Variants in XRN2 observed in about 807,000 individuals in gnomAD.
The protein encoded by XRN2 is 5'-3' exoribonuclease 2.
XRN2 carries 44 observed loss-of-function variants against 138.5 expected under a neutral mutation model. The ratio of observed to expected loss-of-function variants is 0.32; its 90% CI spans 0.25 to 0.41. The LOEUF (loss-of-function observed/expected upper bound fraction) is 0.41. Ranked by LOEUF, XRN2 falls within the 10% of genes least tolerant of loss-of-function variation. The pLI is 1.00. For missense variants in XRN2, 937 were observed against 1,169.3 expected (o/e 0.80, Z 2.90); for synonymous variants, 354 against 369.4 (o/e 0.96, Z 0.48).
At chr20:21,347,263 C>T (rs188054039) in intron 17 of XRN2, among the ~76,000 whole-genome samples, 369 of 152,286 alleles carry the variant, frequency 2.4e-3, no homozygotes, top group Non-Finnish European at 3.9e-3. Flanking sequence ...TTGAATGCTA[C>T]GCTTTTCATA....
intron 26 of XRN2, among the ~76,000 whole-genome samples, chr20:21,366,018 AAT>A (rs1260964306): frequency 7.0e-5 from 8 of 113,886 alleles, no homozygotes; most frequent in Admixed American, 2.4e-4. Context: ...TTATATATAT[AAT>A]ATATATAAAT....
chr20:21,362,089 T>C (rs183295651), intron 24 of XRN2, among the ~76,000 whole-genome samples: 1 of 152,282 alleles, frequency 6.6e-6, no homozygotes, highest in Admixed American at 6.5e-5. Context: ...TTGTATTAAG[T>C]GTGTAGATCC....
Position 21,368,727 on chromosome 20 carries a change from G to A in XRN2, c.2584+137G>A, listed in dbSNP as rs1435546829. Reference sequence around the variant, plus strand: ...CTTTAAAAACATGTAAGTTAGAAGAGTTGTGAGAGAATACCTTATGCAAAA... The same window carrying A: ...CTTTAAAAACATGTAAGTTAGAAGAATTGTGAGAGAATACCTTATGCAAAA... On this transcript the variant is annotated intron_variant, in intron 27 of 29. Transcript: ENST00000377191. 3 of 1,206,028 alleles carry A rather than the reference G, an allele frequency of 2.5e-6. No individual in the cohort carries two copies. In the African/African-American group the frequency reaches 4.6e-5, roughly 19 times the overall value. 74.7% of individuals were successfully genotyped at this position (1,206,028 alleles called of 1,614,324 possible).
At chr20:21,352,698 T>C (rs1056783206) in intron 20 of XRN2, among the ~76,000 whole-genome samples, 4 of 152,150 alleles carry the variant, frequency 2.6e-5, no homozygotes, top group Admixed American at 2.6e-4. Context: ...ATATATAGCA[T>C]AGTAGTTTTG....
chr20:21,319,372 C>G (rs1013585551), intron 1 of XRN2, among the ~76,000 whole-genome samples: 1 of 152,104 alleles, frequency 6.6e-6, no homozygotes, highest in Non-Finnish European at 1.5e-5. Flanking sequence ...TTGATCCATT[C>G]ACATTTTAAT....
intron 1 of XRN2, among the ~76,000 whole-genome samples, chr20:21,315,030 T>A (rs1482985452): frequency 6.6e-6 from 1 of 152,160 alleles, no homozygotes; most frequent in East Asian, 1.9e-4. Context: ...GGCAGCCCAC[T>A]CTGGGTTATA....
intron 3 of XRN2, among the ~76,000 whole-genome samples, chr20:21,327,669 T>C (rs1196665317): frequency 6.6e-6 from 1 of 152,222 alleles, no homozygotes; most frequent in Non-Finnish European, 1.5e-5. Context: ...GTATAAAATA[T>C]GTACACATTT....
At chr20:21,348,801 G>A (rs1345538413) in intron 19 of XRN2, among the ~76,000 whole-genome samples, 4 of 151,948 alleles carry the variant, frequency 2.6e-5, no homozygotes, top group Admixed American at 6.6e-5. Flanking sequence ...TCGCCACCAC[G>A]CCCAGCTAAT....
At chr20:21,313,162 T>C (rs1302224785) in intron 1 of XRN2, among the ~76,000 whole-genome samples, 4 of 152,258 alleles carry the variant, frequency 2.6e-5, no homozygotes, top group Non-Finnish European at 5.9e-5. Flanking sequence ...TAGTGGACTT[T>C]ATGTAAGTAA....
chr20:21,305,124 A>T (rs2037798163), intron 1 of XRN2, among the ~76,000 whole-genome samples: 1 of 151,958 alleles, frequency 6.6e-6, no homozygotes, highest in East Asian at 1.9e-4. Context: ...TTGGGGTCTT[A>T]TTTATTTTTG....
intron 24 of XRN2, 148 bp from the exon 25 acceptor site, chr20:21,365,273 G>T: frequency 4.4e-6 from 3 of 676,462 alleles, no homozygotes; most frequent in Non-Finnish European, 7.3e-6. Context: ...GAGACAGTTT[G>T]GTGAGGAAGA....
rs1054855209 is a variant in XRN2, at chr20:21,340,712, T to G, written c.1279-9T>G. 5.0e-6 allele frequency: 8 copies of G among 1,608,814 alleles called. No homozygotes were observed. Among genetic ancestry groups the G allele is most frequent in the Non-Finnish European group, 6.8e-6 (8 of 1,177,574 alleles). On this transcript the variant is annotated splice_polypyrimidine_tract_variant and intron_variant, in intron 14 of 29. Coordinates refer to ENST00000377191, the MANE Select transcript of XRN2 (RefSeq NM_012255.5). ...ATTTTAATTTCTACATTCATTCCAT[T>G]TATGTTAGAGAGATCAACCAGCTTT...
rs147130149 is a variant in XRN2, at chr20:21,363,095, T to A, written c.2256-2326T>A. Among the ~76,000 whole-genome samples the A allele has an allele frequency of 5.4e-3, 819 of 152,250 alleles. 3 individuals are homozygous for A. Among genetic ancestry groups the A allele is most frequent in the Non-Finnish European group, 8.9e-3 (603 of 68,008 alleles). On this transcript the variant is annotated intron_variant, in intron 24 of 29. Transcript: ENST00000377191. ...TTTCCTTGGTCCTCAGGTGAAATAA[T>A]TCCCTCCCCGCAGTACACACATAGC...
At chr20:21,309,489 G>C (rs1257047708) in intron 1 of XRN2, among the ~76,000 whole-genome samples, 1 of 152,046 alleles carries the variant, frequency 6.6e-6, no homozygotes, top group Admixed American at 6.5e-5. Flanking sequence ...CTTTGAATGC[G>C]GCCCAGCACA....
chr20:21,369,506 T>G (rs375217164), intron 27 of XRN2, among the ~76,000 whole-genome samples: 34 of 152,324 alleles, frequency 2.2e-4, no homozygotes, highest in African/African-American at 8.2e-4. Context: ...GAGAGTTCCC[T>G]TTTCTCCATA....
At chr20:21,331,901 T>C in intron 8 of XRN2, 83 bp downstream of exon 8, 1 of 1,478,694 alleles carries the variant, frequency 6.8e-7, no homozygotes, top group Non-Finnish European at 9.3e-7. Context: ...GGATTATTCA[T>C]GGTTACCTGG....
intron 22 of XRN2, 40 bp from the exon 23 acceptor site, chr20:21,356,546 C>T: frequency 6.3e-7 from 1 of 1,577,588 alleles, no homozygotes. Flanking sequence ...CCCAGTTTTC[C>T]ATTCTTTGCA....
rs538835649 is a variant in XRN2 at position 21,378,267 on chromosome 20, A to C, written c.2585-3727A>C. 2.6e-5 allele frequency among the ~76,000 whole-genome samples: 4 copies of C among 152,340 alleles called. No individual in the cohort carries two copies. In the South Asian group the frequency reaches 8.3e-4, roughly 32 times the overall value. On this transcript the variant is annotated intron_variant, in intron 27 of 29. Transcript: ENST00000377191. ...TTTAAGATGTTGAGAGTAGTTGTTA[A>C]ACCCCCCATCCAGTCTTGTTGAAAC...
At chr20:21,357,284 T>TAC (rs1320373315) in intron 23 of XRN2, among the ~76,000 whole-genome samples, 1 of 152,200 alleles carries the variant, frequency 6.6e-6, no homozygotes, top group Non-Finnish European at 1.5e-5. Flanking sequence ...ATGTCAAGGG[T>TAC]ACATTTCCAG....
Sources: allele counts gnomAD v4.1 joint callset (sites outside exome capture counted in the v4.1 genomes callset), GRCh38; gene constraint gnomAD v4.1.1; transcripts MANE v1.5; gene names NCBI Gene and HGNC (gene_info 2026-07-23, HGNC 2026-07-21).